CDH4: variants seen among roughly 807,000 people sequenced by gnomAD.
CDH4 encodes the protein cadherin-4.
In CDH4, 33 loss-of-function variants were observed where a neutral mutation model predicts 86.0. The observed-to-expected ratio is 0.38, with a 90% CI of 0.29 to 0.51. CDH4 has a LOEUF of 0.51. Ranked by LOEUF, CDH4 falls within the 20% of genes least tolerant of loss-of-function variation. The probability of loss-of-function intolerance (pLI) is 0.86; values close to 1 mark genes in which losing one functional copy is unlikely to be tolerated. For synonymous variants in CDH4, 555 were observed against 549.4 expected, an observed-to-expected ratio of 1.01 and a Z score of -0.14; for missense variants, 1,114 against 1,307.4, an observed-to-expected ratio of 0.85 and a Z score of 2.28.
intron 2 of CDH4, among the ~76,000 whole-genome samples, chr20:61,472,567 A>C (rs955023644): frequency 6.6e-6 from 1 of 152,108 alleles, no homozygotes; most frequent in African/African-American, 2.4e-5. Context: ...TGAGGCTACC[A>C]TGAGGTTTTC....
intron 1 of CDH4, among the ~76,000 whole-genome samples, chr20:61,254,174 C>T (rs1221809598): frequency 6.6e-6 from 1 of 152,132 alleles, no homozygotes; most frequent in Non-Finnish European, 1.5e-5. Context: ...CCTGCCTGGG[C>T]TGGAGATGGG....
intron 2 of CDH4, among the ~76,000 whole-genome samples, chr20:61,274,041 G>A (rs1287438577): frequency 2.8e-5 from 4 of 145,418 alleles, no homozygotes; most frequent in Non-Finnish European, 6.0e-5. Flanking sequence ...GCAGTTTGGG[G>A]GAGTACCATG....
intron 2 of CDH4, among the ~76,000 whole-genome samples, chr20:61,301,878 A>G (rs2084387956): frequency 6.6e-6 from 1 of 152,198 alleles, no homozygotes; most frequent in African/African-American, 2.4e-5. Flanking sequence ...CTTAATCTTT[A>G]TCTAGTTCAA....
chr20:61,682,898 A>C (rs2087533177), intron 2 of CDH4, among the ~76,000 whole-genome samples: 2 of 151,958 alleles, frequency 1.3e-5, no homozygotes, highest in South Asian at 4.2e-4. Context: ...GGTAGAGATC[A>C]GCTGCTCACC....
chr20:61,367,140 G>A (rs1051773065), intron 2 of CDH4, among the ~76,000 whole-genome samples: 5 of 152,160 alleles, frequency 3.3e-5, no homozygotes, highest in African/African-American at 7.2e-5. Flanking sequence ...GGAGGAGGGC[G>A]TGTGCCAAAG....
intron 2 of CDH4, among the ~76,000 whole-genome samples, chr20:61,446,605 G>A (rs534189476): frequency 1.3e-5 from 2 of 151,680 alleles, no homozygotes; most frequent in African/African-American, 4.9e-5. Flanking sequence ...GCTGTAAAGC[G>A]AATTCTTGTG....
chr20:61,697,634 C>T (rs1408679648), intron 2 of CDH4, among the ~76,000 whole-genome samples: 1 of 152,192 alleles, frequency 6.6e-6, no homozygotes, highest in Non-Finnish European at 1.5e-5. Flanking sequence ...ATCCCTAACC[C>T]TGCTCTCATC....
chr20:61,849,570 G>A (rs901785986), intron 5 of CDH4, among the ~76,000 whole-genome samples: 5 of 152,212 alleles, frequency 3.3e-5, no homozygotes, highest in South Asian at 2.1e-4. Flanking sequence ...GTGCTCCCCC[G>A]GCCCTAGGGA....
At chr20:61,899,203 G>A (rs965540374) in intron 8 of CDH4, among the ~76,000 whole-genome samples, 2 of 151,872 alleles carry the variant, frequency 1.3e-5, no homozygotes, top group African/African-American at 2.4e-5. Context: ...TACTCAAGAG[G>A]CTGAGGCAGA....
chr20:61,783,847 A>C (rs67000361), intron 4 of CDH4, among the ~76,000 whole-genome samples: 1,042 of 16,838 alleles, frequency 0.062, 5 homozygotes, highest in Middle Eastern at 0.12. Context: ...GACAGTTCTC[A>C]AGGCCCTCAG....
At position 61,618,733 on chromosome 20, in the gene CDH4, T is replaced by C. The variant is rs149968592; in HGVS notation, c.170-124830T>C. On this transcript the variant is annotated intron_variant, in intron 2 of 15. Transcript: ENST00000614565. ...CCTGTGGAGGCCCCTATTGTTTCGGTTAACTGAGAATTCACTCGTGTGAGC... is the reference window on the plus strand; with the variant it reads ...CCTGTGGAGGCCCCTATTGTTTCGGCTAACTGAGAATTCACTCGTGTGAGC... Among the ~76,000 whole-genome samples, 465 of 152,310 alleles carry C rather than the reference T, an allele frequency of 3.1e-3. 2 individuals carry two copies. The highest frequency in any genetic ancestry group is 6.8e-3 in the Middle Eastern group (2 of 294).
chr20:61,318,171 TC>T (rs879449502), intron 2 of CDH4, among the ~76,000 whole-genome samples: 23 of 152,224 alleles, frequency 1.5e-4, no homozygotes, highest in Admixed American at 1.4e-3. Context: ...GAACTCACCA[TC>T]CTAATAGATG....
intron 2 of CDH4, among the ~76,000 whole-genome samples, chr20:61,264,569 T>C (rs1341750825): frequency 9.9e-5 from 12 of 120,698 alleles, no homozygotes; most frequent in African/African-American, 1.4e-4. Context: ...ACCTCAGTGG[T>C]TCCTTCATTC....
At chr20:61,830,919 G>C (rs760840474) in intron 4 of CDH4, among the ~76,000 whole-genome samples, 1 of 152,220 alleles carries the variant, frequency 6.6e-6, no homozygotes, top group Non-Finnish European at 1.5e-5. Context: ...GGAACCCGCT[G>C]CTGCAGTTAG....
At chr20:61,910,690 A>G (rs2054841313) in intron 9 of CDH4, 83 bp downstream of exon 9, 2 of 1,296,574 alleles carry the variant, frequency 1.5e-6, no homozygotes, top group African/African-American at 2.9e-5. Context: ...CAGGAGTGAT[A>G]CTCGGTGTAA....
rs1219259948 is a variant in CDH4, at chr20:61,676,019, C to CT, written c.170-67542dup. Among the ~76,000 whole-genome samples, 1 of 152,200 alleles carries CT rather than the reference C, an allele frequency of 6.6e-6. No homozygotes were observed. Among genetic ancestry groups the CT allele is most frequent in the Non-Finnish European group, 1.5e-5 (1 of 68,038 alleles). ...AGGCTCAGGCTCCTGGCACTGCCTGCTTAGGACCCTCAGACGGCCTCAGGA... is the reference window on the plus strand; with the variant it reads ...AGGCTCAGGCTCCTGGCACTGCCTGCTTTAGGACCCTCAGACGGCCTCAGGA... On this transcript the variant is annotated intron_variant, in intron 2 of 15. Transcript: ENST00000614565. This position sits in a 1 kb window ranked among gnomAD's most constrained non-coding sequence, Gnocchi z 4.5.
chr20:61,368,116 G>A (rs926595597), intron 2 of CDH4, among the ~76,000 whole-genome samples: 9 of 152,098 alleles, frequency 5.9e-5, no homozygotes, highest in African/African-American at 1.9e-4. Flanking sequence ...TGATCCGCCC[G>A]CCTCGGCCTC....
At chr20:61,255,421 G>A (rs1195465011) in intron 2 of CDH4, among the ~76,000 whole-genome samples, 8 of 152,228 alleles carry the variant, frequency 5.3e-5, no homozygotes, top group African/African-American at 1.7e-4. Flanking sequence ...TAGCTTTATC[G>A]TAATTGCAGG....
chr20:61,496,895 G>A (rs2085666694), intron 2 of CDH4, among the ~76,000 whole-genome samples: 1 of 151,690 alleles, frequency 6.6e-6, no homozygotes, highest in Non-Finnish European at 1.5e-5. Flanking sequence ...AAGCTGCTGA[G>A]AACATTCTTG....
Sources: gnomAD v4.1 joint callset for allele counts (sites outside exome capture counted in the v4.1 genomes callset) on GRCh38, gnomAD v4.1.1 for gene constraint, Gnocchi (gnomAD v3.1) non-coding constraint, MANE v1.5 for transcripts, NCBI Gene and HGNC (gene_info 2026-07-23, HGNC 2026-07-21) for gene names.